Variants in NR2F6 observed in about 807,000 individuals in gnomAD.
NR2F6 encodes nuclear receptor subfamily 2 group F member 6, also known as ERBA-related gene-2.
Under a neutral mutation model 26.5 loss-of-function variants are expected in NR2F6, and 16 were observed. The observed-to-expected ratio is 0.60, with a 90% CI of 0.41 to 0.92. The LOEUF is 0.92. Among genes scored for constraint, NR2F6 ranks in the 40% least tolerant of loss-of-function variants. The pLI is 0.00. For missense variants in NR2F6, 536 were observed against 631.7 expected (o/e 0.85, Z 1.62); for synonymous variants, 325 against 305.0 (o/e 1.07, Z -0.68).
chr19:17,235,690 G>T lies in NR2F6; in HGVS notation c.749C>A (p.Ala250Glu). The T allele has an allele frequency of 6.7e-7, 1 of 1,490,020 alleles. No individual in the cohort carries two copies. Among genetic ancestry groups the T allele is most frequent in the South Asian group, 1.3e-5 (1 of 79,466 alleles). 92.3% of individuals were successfully genotyped at this position (1,490,020 alleles called of 1,614,324 possible). A position where few individuals can be genotyped will look rare whatever the true frequency, so the allele number is the denominator to read the frequency against. ...SELFVLNAAQ[A>E]ALPLHTAPLL... The stretch of plus-strand genomic sequence containing the variant: ...CGGCGCCGTGTGCAGGGGCAGCGCC[G>T]CCTGCGCCGCGTTCAGCACGAAGAG... The change falls in exon 3 of 4, where the codon GCG (alanine) becomes GAG (glutamate). Residue 250 changes from alanine to glutamate, a missense_variant. Coordinates refer to ENST00000291442, the MANE Select transcript of NR2F6 (RefSeq NM_005234.4). This position sits in a 1 kb window ranked among gnomAD's most constrained non-coding sequence, Gnocchi z 5.0.
Position 17,245,157 on chromosome 19 carries a change from C to T in NR2F6, c.64G>A (p.Gly22Ser), listed in dbSNP as rs2073491322. ...TCCTCGGCCGCGCGCGGGTAGCCGC[C>T]CGCCTTGTCCACGCCGTTCGTGTCG... ...GGDTNGVDKAGGYPRAAEDDS... is the reference protein window; with the variant it reads ...GGDTNGVDKASGYPRAAEDDS... Residue 22 changes from glycine to serine, a missense_variant, in exon 1 of 4, where the codon GGC (glycine) becomes AGC (serine). Transcript: ENST00000291442. This position sits in a 1 kb window ranked among gnomAD's most constrained non-coding sequence, Gnocchi z 5.0. 1 of 1,431,186 alleles carries T rather than the reference C, an allele frequency of 7.0e-7. No individual in the cohort carries two copies. Among genetic ancestry groups the T allele is most frequent in the Admixed American group, 3.2e-5 (1 of 31,488 alleles). 88.7% of individuals were successfully genotyped at this position (1,431,186 alleles called of 1,614,324 possible). A position where few individuals can be genotyped will look rare whatever the true frequency, so the allele number is the denominator to read the frequency against.
At chr19:17,237,788 A>G (rs570250992) in intron 2 of NR2F6, among the ~76,000 whole-genome samples, 3 of 152,182 alleles carry the variant, frequency 2.0e-5, no homozygotes, top group African/African-American at 7.2e-5. Context: ...TCAAATCCCA[A>G]TCACAACTCT....
At position 17,232,401 on chromosome 19, in the gene NR2F6, A is replaced by G; in HGVS notation, c.1166T>C (p.Met389Thr). ...GTTGAAGGTACTCCCCGACAGCAGC[A>G]TGTCTCTGATCAGTGTCTCAATGGG... is the stretch of plus-strand genomic sequence containing the variant. Reference protein sequence around the residue: ...KTPIETLIRDMLLSGSTFNWP... With the variant: ...KTPIETLIRDTLLSGSTFNWP... Residue 389 changes from methionine (M) to threonine (T), a missense_variant, in exon 4 of 4, where the codon ATG (methionine) becomes ACG (threonine). Coordinates refer to ENST00000291442, the MANE Select transcript of NR2F6 (RefSeq NM_005234.4). The G allele has an allele frequency of 1.9e-6, 3 of 1,614,082 alleles. No individual in the cohort carries two copies. Among genetic ancestry groups the G allele is most frequent in the Non-Finnish European group, 2.5e-6 (3 of 1,180,024 alleles).
intron 1 of NR2F6, among the ~76,000 whole-genome samples, chr19:17,241,432 G>C (rs1258778888): frequency 6.6e-6 from 1 of 152,238 alleles, no homozygotes; most frequent in African/African-American, 2.4e-5. Flanking sequence ...TTCCTGGTCA[G>C]CCCTCAGTGA....
chr19:17,241,305 C>G (rs768254367), intron 1 of NR2F6, among the ~76,000 whole-genome samples: 3 of 149,422 alleles, frequency 2.0e-5, no homozygotes, highest in Non-Finnish European at 4.5e-5. Flanking sequence ...ATCACCCGCA[C>G]AATGCCCACC....
At position 17,235,130 on chromosome 19, in the gene NR2F6, A is replaced by G. The variant is rs2073428432; in HGVS notation, c.940+369T>C. ...GGACCTTCCCTCCCACGTCCCCCCA[A>G]CCTTGTGCTATCAGTGCTCACTAAG... is the stretch of plus-strand genomic sequence containing the variant. On this transcript the variant is annotated intron_variant, in intron 3 of 3. Transcript: ENST00000291442. The surrounding 1 kb of genome is among the most constrained non-coding windows in gnomAD (Gnocchi z 5.0). 6.6e-6 allele frequency among the ~76,000 whole-genome samples: 1 copy of G among 152,160 alleles called. No homozygotes were observed. The highest frequency in any genetic ancestry group is 1.5e-5 in the Non-Finnish European group (1 of 68,026).
intron 2 of NR2F6, among the ~76,000 whole-genome samples, chr19:17,239,076 C>T (rs963643789): frequency 5.3e-5 from 8 of 152,000 alleles, no homozygotes; most frequent in Non-Finnish European, 1.2e-4. Flanking sequence ...CGGTGACTCA[C>T]GCCTGTAATC....
At chr19:17,236,769 T>G (rs2145565076) in intron 2 of NR2F6, among the ~76,000 whole-genome samples, 1 of 149,540 alleles carries the variant, frequency 6.7e-6, no homozygotes, top group Non-Finnish European at 1.5e-5. Context: ...AGGGAAGGGT[T>G]GGGGGGGACC....
At chr19:17,242,846 A>G (rs951231036) in intron 1 of NR2F6, among the ~76,000 whole-genome samples, 1 of 152,198 alleles carries the variant, frequency 6.6e-6, no homozygotes, top group African/African-American at 2.4e-5. Flanking sequence ...GGAGGGAAAC[A>G]GTTAAGTTCT....
intron 1 of NR2F6, among the ~76,000 whole-genome samples, chr19:17,241,260 T>C (rs1292779551): frequency 6.6e-6 from 1 of 152,160 alleles, no homozygotes; most frequent in Admixed American, 6.5e-5. Flanking sequence ...GGGCTAGTGG[T>C]CTGTGGGGTC....
rs564456645 is a variant in NR2F6, at chr19:17,237,631, C to T, written c.374-1566G>A. Among the ~76,000 whole-genome samples, 1,167 of 152,214 alleles carry T rather than the reference C, an allele frequency of 7.7e-3. 7 individuals carry two copies. Among genetic ancestry groups the T allele is most frequent in the Middle Eastern group, 0.01 (3 of 292 alleles). ...TTCACCATGTTGGCCAGGATGGTCT[C>T]AATCTCCTGACCTCGTGATCTGCCC... On this transcript the variant is annotated intron_variant, in intron 2 of 3. Coordinates refer to ENST00000291442, the MANE Select transcript of NR2F6 (RefSeq NM_005234.4).
At chr19:17,237,510 C>G (rs937190016) in intron 2 of NR2F6, among the ~76,000 whole-genome samples, 1 of 152,038 alleles carries the variant, frequency 6.6e-6, no homozygotes, top group African/African-American at 2.4e-5. Context: ...CTCCGGGGTT[C>G]GAGTGATTCT....
chr19:17,245,051 A>G lies in NR2F6; in HGVS notation c.170T>C (p.Val57Ala). The G allele has an allele frequency of 6.2e-7, 1 of 1,602,736 alleles. No individual in the cohort carries two copies. The highest frequency in any genetic ancestry group is 8.5e-7 in the Non-Finnish European group (1 of 1,175,406). ...GCCGCTCGACTTGTCCCCGCACACC[A>G]CGCAGTCCACCTGCAGCCCCGGCCG... ...EERPGLQVDC[V>A]VCGDKSSGKH... is the part of the protein sequence containing the mutation. Residue 57 changes from valine to alanine, a missense_variant, in exon 1 of 4, where the codon GTG (valine) becomes GCG (alanine). Transcript: ENST00000291442. This position sits in a 1 kb window ranked among gnomAD's most constrained non-coding sequence, Gnocchi z 5.0.
In NR2F6 at chr19:17,232,558, C is replaced by T. The variant is rs755359395; in HGVS notation, c.1009G>A (p.Glu337Lys). 6.9e-6 allele frequency: 11 copies of T among 1,596,132 alleles called. No homozygotes were observed. The highest frequency in any genetic ancestry group is 4.5e-5 in the East Asian group (2 of 44,606). Reference protein sequence around the residue: ...LQEKAQVALTEYVRAQYPSQP... With the variant: ...LQEKAQVALTKYVRAQYPSQP... ...GACGGGTACTGCGCCCGCACATACTCGGTGAGGGCCACCTGCGCCTTCTCC... is the reference window on the plus strand; with the variant it reads ...GACGGGTACTGCGCCCGCACATACTTGGTGAGGGCCACCTGCGCCTTCTCC... Residue 337 changes from glutamate to lysine, a missense_variant, in exon 4 of 4, where the codon GAG becomes AAG. Coordinates refer to ENST00000291442, the MANE Select transcript of NR2F6 (RefSeq NM_005234.4).
At chr19:17,234,438 T>C (rs867875155) in intron 3 of NR2F6, among the ~76,000 whole-genome samples, 2 of 152,008 alleles carry the variant, frequency 1.3e-5, no homozygotes, top group African/African-American at 2.4e-5. Flanking sequence ...CCCAAAACCA[T>C]ATTTATCAAA....
chr19:17,235,315 G>A lies in NR2F6; in HGVS notation c.940+184C>T, dbSNP rs940820449. On this transcript the variant is annotated intron_variant, in intron 3 of 3. Transcript: ENST00000291442. This position sits in a 1 kb window ranked among gnomAD's most constrained non-coding sequence, Gnocchi z 5.0. ...GGGATCACGGAGTGGGGGTGTCACA[G>A]TGTCACACTGCTTACATCACCCCTC... 6.6e-6 allele frequency among the ~76,000 whole-genome samples: 1 copy of A among 152,212 alleles called. No individual in the cohort carries two copies. Among genetic ancestry groups the A allele is most frequent in the South Asian group, 2.1e-4 (1 of 4,828 alleles).
In NR2F6 at chr19:17,232,336, C is replaced by T. The variant is rs374542259; in HGVS notation, c.*16G>A. The T allele has an allele frequency of 3.9e-4, 637 of 1,613,654 alleles. No individual in the cohort carries two copies. Among genetic ancestry groups the T allele is most frequent in the Admixed American group, 6.0e-4 (36 of 60,012 alleles). ...TGTCTGCAGGCCTGGCCACAGCACACGTGGCCCCGTCATGGTCACTGGCCC... is the reference window on the plus strand; with the variant it reads ...TGTCTGCAGGCCTGGCCACAGCACATGTGGCCCCGTCATGGTCACTGGCCC... On this transcript the variant is annotated 3_prime_UTR_variant, in exon 4 of 4. Transcript: ENST00000291442.
rs2073409990 is a variant in NR2F6, at chr19:17,232,011, C to T, written c.*341G>A. The T allele has an allele frequency of 9.5e-6, 3 of 314,610 alleles. No homozygotes were observed. In the Admixed American group the frequency reaches 1.4e-4, roughly 15 times the overall value. The allele number at this position is 314,610 out of a possible 1,614,324, so 19.5% of individuals were successfully genotyped here. ...TGCCCACTGGAGCAGCCCCTCTGGC[C>T]GACGCCAGGCCTTTGTCCATCATGC... On this transcript the variant is annotated 3_prime_UTR_variant, in exon 4 of 4. Coordinates refer to ENST00000291442, the MANE Select transcript of NR2F6 (RefSeq NM_005234.4).
chr19:17,234,051 C>A (rs1356045675), intron 3 of NR2F6, among the ~76,000 whole-genome samples: 1 of 151,784 alleles, frequency 6.6e-6, no homozygotes, highest in Admixed American at 6.6e-5. Context: ...GATGAAACCC[C>A]GTCTCTACTA....
Sources: gnomAD v4.1 joint callset for allele counts (sites outside exome capture counted in the v4.1 genomes callset) on GRCh38, gnomAD v4.1.1 for gene constraint, Gnocchi (gnomAD v3.1) non-coding constraint, MANE v1.5 for transcripts, NCBI Gene and HGNC (gene_info 2026-07-23, HGNC 2026-07-21) for gene names.